PDE1C: variants seen among roughly 807,000 people sequenced by gnomAD.
PDE1C encodes dual specificity calcium/calmodulin-dependent 3',5'-cyclic nucleotide phosphodiesterase 1C.
Under a neutral mutation model 93.1 loss-of-function variants are expected in PDE1C, and 62 were observed. That is an observed-to-expected ratio of 0.67 (90% CI 0.54 to 0.82). PDE1C has a LOEUF of 0.82. Among genes scored for constraint, PDE1C ranks in the 40% least tolerant of loss-of-function variants. The pLI is 0.00. For synonymous variants in PDE1C, 325 were observed against 310.1 expected, an observed-to-expected ratio of 1.05 and a Z score of -0.50; for missense variants, 742 against 884.6, an observed-to-expected ratio of 0.84 and a Z score of 2.04.
At chr7:31,965,766 T>G (rs200747930) in intron 2 of PDE1C, among the ~76,000 whole-genome samples, 2 of 152,212 alleles carry the variant, frequency 1.3e-5, no homozygotes, top group Admixed American at 6.5e-5. Flanking sequence ...TCTCTTGGCA[T>G]AAACTCTACA....
At chr7:32,139,669 A>G (rs1800409020) in intron 3 of PDE1C, among the ~76,000 whole-genome samples, 1 of 152,202 alleles carries the variant, frequency 6.6e-6, no homozygotes, top group South Asian at 2.1e-4. Context: ...CCTGATTGGT[A>G]TAAACCTATT....
the PDE1C span, among the ~76,000 whole-genome samples, chr7:31,627,659 C>A: frequency 5.8e-4 from 44 of 75,532 alleles, no homozygotes; most frequent in Non-Finnish European, 6.3e-4. Context: ...GACACTGTCT[C>A]AAAAAAAAAA....
At chr7:31,694,101 G>A in the PDE1C span, among the ~76,000 whole-genome samples, 2 of 152,180 alleles carry the variant, frequency 1.3e-5, no homozygotes, top group Non-Finnish European at 2.9e-5. Flanking sequence ...TAAGGCACCT[G>A]TCAGTAAAGA....
chr7:32,081,376 C>T (rs1446306813), intron 3 of PDE1C, among the ~76,000 whole-genome samples: 1 of 152,182 alleles, frequency 6.6e-6, no homozygotes, highest in Non-Finnish European at 1.5e-5. Flanking sequence ...TCATTTAATA[C>T]TTTCCCTCCC....
chr7:32,128,637 G>A (rs756439220), intron 3 of PDE1C, among the ~76,000 whole-genome samples: 7 of 151,210 alleles, frequency 4.6e-5, no homozygotes, highest in African/African-American at 9.7e-5. Flanking sequence ...TAATGATCTC[G>A]GCCTAAATGA....
chr7:31,627,007 A>G, the PDE1C span, among the ~76,000 whole-genome samples: 1 of 152,254 alleles, frequency 6.6e-6, no homozygotes, highest in East Asian at 1.9e-4. Context: ...TGAATTATGT[A>G]TGTCTAAAAC....
chr7:32,335,230 CCA>C (rs1433863900), intron 1 of PDE1C, among the ~76,000 whole-genome samples: 1 of 152,176 alleles, frequency 6.6e-6, no homozygotes, highest in African/African-American at 2.4e-5. Context: ...GAACGCAAGT[CCA>C]CAGTCTGGCC....
At position 31,835,554 on chromosome 7, in the gene PDE1C, G is replaced by GCA. The variant is rs1453472330; in HGVS notation, c.1203+1625_1203+1626insTG. Among the ~76,000 whole-genome samples, 140 of 151,328 alleles carry GCA rather than the reference G, an allele frequency of 9.3e-4. 1 individual carries two copies. The highest frequency in any genetic ancestry group is 3.4e-3 in the Middle Eastern group (1 of 292). ...TGTGTGTGTGTGTGTGTGTGTGTGT[G>GCA]TGCGTGCATGTGCACCATAGACAGA... On this transcript the variant is annotated intron_variant, in intron 11 of 17. Transcript: ENST00000396191.
intron 1 of PDE1C, among the ~76,000 whole-genome samples, chr7:32,403,958 A>G (rs1175710891): frequency 6.6e-6 from 1 of 152,156 alleles, no homozygotes; most frequent in Non-Finnish European, 1.5e-5. Flanking sequence ...TAATAATTCA[A>G]AAATAACCCA....
At chr7:32,387,868 C>T (rs1278410733) in intron 1 of PDE1C, among the ~76,000 whole-genome samples, 1 of 135,928 alleles carries the variant, frequency 7.4e-6, no homozygotes, top group Non-Finnish European at 1.6e-5. Flanking sequence ...TGACCCCCCT[C>T]CCCCCTCCCG....
chr7:31,676,969 C>A, the PDE1C span, among the ~76,000 whole-genome samples: 1 of 152,202 alleles, frequency 6.6e-6, no homozygotes, highest in Non-Finnish European at 1.5e-5. Flanking sequence ...CCACACTCTG[C>A]AGCAATCAAG....
At chr7:32,368,751 T>C (rs1784270521) in intron 1 of PDE1C, among the ~76,000 whole-genome samples, 1 of 152,104 alleles carries the variant, frequency 6.6e-6, no homozygotes, top group South Asian at 2.1e-4. Context: ...GACTTCAATC[T>C]GGAAGTCTAC....
chr7:32,289,370 A>G (rs1343250728), intron 1 of PDE1C, among the ~76,000 whole-genome samples: 3 of 152,214 alleles, frequency 2.0e-5, no homozygotes, highest in Non-Finnish European at 4.4e-5. Flanking sequence ...TGATCGTACC[A>G]TTGCACTCCA....
chr7:32,085,588 G>A (rs1434954380), intron 3 of PDE1C, among the ~76,000 whole-genome samples: 18 of 145,916 alleles, frequency 1.2e-4, no homozygotes, highest in African/African-American at 3.3e-4. Flanking sequence ...GATGAACATT[G>A]ATGCAAAAAT....
intron 16 of PDE1C, among the ~76,000 whole-genome samples, chr7:31,792,530 T>C (rs572582454): frequency 2.8e-4 from 42 of 152,136 alleles, no homozygotes; most frequent in Non-Finnish European, 3.8e-4. Flanking sequence ...TAGTAAGGTA[T>C]GATATGTCAA....
intron 2 of PDE1C, among the ~76,000 whole-genome samples, chr7:31,952,412 G>A (rs541139420): frequency 6.6e-6 from 1 of 152,200 alleles, no homozygotes; most frequent in Admixed American, 6.5e-5. Context: ...ACCATGCCCA[G>A]CTAATTTTTG....
intron 2 of PDE1C, among the ~76,000 whole-genome samples, chr7:31,895,293 G>A (rs1246173816): frequency 6.6e-6 from 1 of 152,126 alleles, no homozygotes; most frequent in East Asian, 1.9e-4. Flanking sequence ...ATAGTGCCAG[G>A]AGGAGCTGAA....
intron 2 of PDE1C, among the ~76,000 whole-genome samples, chr7:31,949,079 C>A (rs1405366854): frequency 6.6e-6 from 1 of 152,036 alleles, no homozygotes; most frequent in Non-Finnish European, 1.5e-5. Flanking sequence ...CAAATTTTCT[C>A]CACAAATGAT....
At chr7:32,316,007 T>C (rs921678198) in intron 1 of PDE1C, among the ~76,000 whole-genome samples, 5 of 152,124 alleles carry the variant, frequency 3.3e-5, no homozygotes, top group Non-Finnish European at 5.9e-5. Context: ...AAAAAATATA[T>C]ATATGTTTTA....
Sources: gnomAD v4.1 joint callset for allele counts (sites outside exome capture counted in the v4.1 genomes callset) on GRCh38, gnomAD v4.1.1 for gene constraint, MANE v1.5 for transcripts, NCBI Gene and HGNC (gene_info 2026-07-23, HGNC 2026-07-21) for gene names.